The following GPM6A variants were observed in gnomAD, a reference collection of about 807,000 sequenced individuals.
GPM6A encodes neuronal membrane glycoprotein M6-a.
GPM6A carries 7 observed loss-of-function variants against 32.1 expected under a neutral mutation model. The observed-to-expected ratio is 0.22, with a 90% CI of 0.12 to 0.41. The LOEUF (loss-of-function observed/expected upper bound fraction) is 0.41. Ranked by LOEUF, GPM6A falls within the 10% of genes least tolerant of loss-of-function variation. GPM6A has a pLI of 1.00. For synonymous variants in GPM6A, 130 were observed against 123.4 expected (o/e 1.05, Z -0.35); for missense variants, 235 against 347.2 (o/e 0.68, Z 2.57).
intron 1 of GPM6A, among the ~76,000 whole-genome samples, chr4:175,722,641 C>T (rs1366877210): frequency 6.6e-6 from 1 of 152,092 alleles, no homozygotes; most frequent in Non-Finnish European, 1.5e-5. Flanking sequence ...TCTGACACCT[C>T]ACCCGGCAGG....
At chr4:175,997,688 G>GGTAT (rs1444552447) in intron 1 of GPM6A, among the ~76,000 whole-genome samples, 1 of 152,040 alleles carries the variant, frequency 6.6e-6, no homozygotes, top group East Asian at 1.9e-4. Flanking sequence ...TGAAAAAAAA[G>GGTAT]GTATGAGCTC....
At chr4:175,998,299 G>A (rs1004936892) in intron 1 of GPM6A, among the ~76,000 whole-genome samples, 7 of 151,950 alleles carry the variant, frequency 4.6e-5, no homozygotes, top group East Asian at 1.9e-4. Context: ...GATTACAGGC[G>A]TGTGCCACCA....
chr4:175,636,276 A>ATATG (rs1201796490), intron 6 of GPM6A, among the ~76,000 whole-genome samples: 3 of 123,552 alleles, frequency 2.4e-5, no homozygotes, highest in Non-Finnish European at 3.5e-5. Context: ...ATATATATAT[A>ATATG]TATATATATA....
intron 1 of GPM6A, among the ~76,000 whole-genome samples, chr4:175,878,576 G>A (rs1021881035): frequency 2.6e-5 from 4 of 152,212 alleles, no homozygotes; most frequent in East Asian, 1.9e-4. Context: ...GCTGGGACAG[G>A]GCACCAGGTC....
chr4:175,712,239 T>C (rs183934350), intron 1 of GPM6A, among the ~76,000 whole-genome samples: 1 of 152,318 alleles, frequency 6.6e-6, no homozygotes, highest in East Asian at 1.9e-4. Context: ...AGTCTGTAGA[T>C]TGGTAGCACT....
chr4:175,927,880 G>A (rs562874701), intron 1 of GPM6A, among the ~76,000 whole-genome samples: 21 of 152,052 alleles, frequency 1.4e-4, no homozygotes, highest in South Asian at 6.2e-4. Context: ...GCAAGACTCC[G>A]TCTCAAAAAG....
At chr4:175,650,284 TTATTTATTTATTTATTTATTTA>T (rs1187381605) in intron 4 of GPM6A, among the ~76,000 whole-genome samples, 13 of 65,930 alleles carry the variant, frequency 2.0e-4, no homozygotes, top group African/African-American at 8.6e-4. Context: ...ATTTATTTAT[TTATTTATTTATTTATTTATTTA>T]TTTATTTATT....
chr4:175,929,773 G>A (rs1738968191), intron 1 of GPM6A, among the ~76,000 whole-genome samples: 2 of 152,146 alleles, frequency 1.3e-5, no homozygotes, highest in Non-Finnish European at 2.9e-5. Context: ...TTTCAGTTTA[G>A]TAAGTGGGAG....
chr4:175,851,020 C>T (rs1736236385), intron 1 of GPM6A, among the ~76,000 whole-genome samples: 1 of 152,064 alleles, frequency 6.6e-6, no homozygotes, highest in South Asian at 2.1e-4. Flanking sequence ...CAGCATATCA[C>T]TGCAGCCCAT....
intron 1 of GPM6A, among the ~76,000 whole-genome samples, chr4:175,780,163 T>C (rs1003130195): frequency 1.3e-5 from 2 of 151,956 alleles, no homozygotes; most frequent in African/African-American, 4.8e-5. Flanking sequence ...TTCTCTTGCC[T>C]CAGCCTCCCA....
At chr4:175,967,727 C>G (rs1419262595) in intron 1 of GPM6A, among the ~76,000 whole-genome samples, 2 of 151,984 alleles carry the variant, frequency 1.3e-5, no homozygotes, top group Non-Finnish European at 2.9e-5. Flanking sequence ...TACACAAGAA[C>G]TATATGAAAA....
At chr4:175,732,216 C>T (rs1419715981) in intron 1 of GPM6A, among the ~76,000 whole-genome samples, 3 of 152,040 alleles carry the variant, frequency 2.0e-5, no homozygotes, top group East Asian at 1.9e-4. Context: ...CCGCCCGCCT[C>T]GGCCTCCCAC....
chr4:175,859,724 C>A (rs1193641108), intron 1 of GPM6A, among the ~76,000 whole-genome samples: 2 of 152,034 alleles, frequency 1.3e-5, no homozygotes, highest in Non-Finnish European at 2.9e-5. Context: ...GACAAGAATA[C>A]AGATGAAGTG....
intron 1 of GPM6A, among the ~76,000 whole-genome samples, chr4:175,979,267 TATTTA>T (rs1455794938): frequency 6.6e-6 from 1 of 151,822 alleles, no homozygotes; most frequent in African/African-American, 2.4e-5. Context: ...TATTACTGAA[TATTTA>T]ATCACCATAC....
At chr4:175,906,237 T>C (rs533232903) in intron 1 of GPM6A, among the ~76,000 whole-genome samples, 15 of 152,258 alleles carry the variant, frequency 9.9e-5, no homozygotes, top group African/African-American at 3.6e-4. Flanking sequence ...TGAATTTTGA[T>C]TGTAGCTCAG....
chr4:175,932,323 C>T (rs771573715), intron 1 of GPM6A, among the ~76,000 whole-genome samples: 2 of 152,114 alleles, frequency 1.3e-5, no homozygotes, highest in South Asian at 4.1e-4. Flanking sequence ...ATGCTCTGCC[C>T]TCTTGCCTTC....
intron 1 of GPM6A, among the ~76,000 whole-genome samples, chr4:175,723,749 C>T (rs1423472458): frequency 6.6e-6 from 1 of 151,924 alleles, no homozygotes; most frequent in Non-Finnish European, 1.5e-5. Flanking sequence ...TTAAGTTATA[C>T]TAAATATTGA....
intron 1 of GPM6A, among the ~76,000 whole-genome samples, chr4:175,960,265 TTAAAC>T (rs879556936): frequency 3.3e-5 from 5 of 152,150 alleles, no homozygotes; most frequent in Non-Finnish European, 7.4e-5. Context: ...AATAAAAAAA[TTAAAC>T]TAGGATTCTA....
At chr4:175,673,036 T>C (rs1743169316) in intron 3 of GPM6A, among the ~76,000 whole-genome samples, 1 of 152,156 alleles carries the variant, frequency 6.6e-6, no homozygotes, top group Non-Finnish European at 1.5e-5. Flanking sequence ...AAAATATGTC[T>C]GTCAAGAATG....
Sources: allele counts gnomAD v4.1 joint callset (sites outside exome capture counted in the v4.1 genomes callset), GRCh38; gene constraint gnomAD v4.1.1; transcripts MANE v1.5; gene names NCBI Gene and HGNC (gene_info 2026-07-23, HGNC 2026-07-21).